The following KITLG variants were observed in gnomAD, a reference collection of about 807,000 sequenced individuals.
The protein encoded by KITLG is KIT ligand, also known as c-Kit ligand.
A neutral mutation model predicts 34.1 loss-of-function variants in KITLG; 13 were observed. The ratio of observed to expected loss-of-function variants is 0.38; its 90% CI spans 0.25 to 0.61. KITLG has a LOEUF of 0.61. Ranked by LOEUF, KITLG falls within the 20% of genes least tolerant of loss-of-function variation. The pLI, the probability that KITLG is intolerant of heterozygous loss-of-function variation, is 0.60. For synonymous variants in KITLG, 110 were observed against 104.0 expected (o/e 1.06, Z -0.35); for missense variants, 292 against 318.9 (o/e 0.92, Z 0.64).
chr12:88,525,529 A>G (rs975816611), intron 3 of KITLG, among the ~76,000 whole-genome samples: 3 of 152,160 alleles, frequency 2.0e-5, no homozygotes, highest in African/African-American at 4.8e-5. Context: ...AAAATATAGT[A>G]AAAAGAGAAC....
At chr12:88,548,969 A>G (rs1280925550) in intron 1 of KITLG, among the ~76,000 whole-genome samples, 1 of 152,182 alleles carries the variant, frequency 6.6e-6, no homozygotes, top group Non-Finnish European at 1.5e-5. Context: ...TTAACAGGGT[A>G]ATATTGATAA....
At chr12:88,549,260 G>A (rs1314499315) in intron 1 of KITLG, among the ~76,000 whole-genome samples, 1 of 152,146 alleles carries the variant, frequency 6.6e-6, no homozygotes, top group Non-Finnish European at 1.5e-5. Flanking sequence ...AGGATTCATT[G>A]CAAGATTTTG....
intron 2 of KITLG, among the ~76,000 whole-genome samples, chr12:88,536,563 T>C (rs1870325500): frequency 6.6e-6 from 1 of 152,116 alleles, no homozygotes; most frequent in Non-Finnish European, 1.5e-5. Context: ...CTATTCACAA[T>C]AGCAAAGACT....
At chr12:88,509,302 G>T (rs532490227) in intron 6 of KITLG, among the ~76,000 whole-genome samples, 16 of 152,196 alleles carry the variant, frequency 1.1e-4, no homozygotes, top group Non-Finnish European at 1.9e-4. Context: ...CCTAAGTCTT[G>T]AAATTCACCA....
intron 6 of KITLG, among the ~76,000 whole-genome samples, chr12:88,508,915 C>T (rs557550752): frequency 3.3e-5 from 5 of 152,222 alleles, no homozygotes; most frequent in South Asian, 4.2e-4. Flanking sequence ...TATAAAAGTG[C>T]TCTCTATATG....
At position 88,516,345 on chromosome 12, in the gene KITLG, C is replaced by T. The variant is rs767653942; in HGVS notation, c.509G>A (p.Ser170Asn). ...CTTACATGTCTTACCTTTCTCAGGA[C>T]TTAATGTTGAAGAAACCACACAATC... ...TSDCVVSSTLSPEKDSRVSVT... is the reference protein window; with the variant it reads ...TSDCVVSSTLNPEKDSRVSVT... Residue 170 changes from serine (S) to asparagine (N), a missense_variant, in exon 5 of 10, where the codon AGT (serine) becomes AAT (asparagine). Physicochemically the swap from Ser to Asn is conservative, Grantham distance 46. Coordinates refer to ENST00000644744, the MANE Select transcript of KITLG (RefSeq NM_000899.5). The T allele has an allele frequency of 2.4e-5, 39 of 1,610,738 alleles. No homozygotes were observed. The Admixed American group carries it at 3.7e-4, about 15-fold the overall frequency.
intron 3 of KITLG, among the ~76,000 whole-genome samples, chr12:88,528,559 A>G (rs1869964421): frequency 6.6e-6 from 1 of 152,226 alleles, no homozygotes; most frequent in Non-Finnish European, 1.5e-5. Flanking sequence ...TTAAAGTACT[A>G]TAATTATTGT....
At chr12:88,541,200 T>C (rs1870506208) in intron 2 of KITLG, among the ~76,000 whole-genome samples, 1 of 152,186 alleles carries the variant, frequency 6.6e-6, no homozygotes, top group Non-Finnish European at 1.5e-5. Flanking sequence ...CCATGAATCA[T>C]GTATAAATAT....
rs889877139 is a variant in KITLG at position 88,565,717 on chromosome 12, C to G, written c.15+14547G>C. On this transcript the variant is annotated intron_variant, in intron 1 of 9. Transcript: ENST00000644744. ...AGCAAGAAATTAGGAACAAACAGAT[C>G]AGGTTTGATGACTGAGAGTTGTAAG... Among the ~76,000 whole-genome samples the G allele has an allele frequency of 4.6e-5, 7 of 152,246 alleles. No homozygotes were observed. The East Asian group carries it at 1.3e-3, about 29-fold the overall frequency.
intron 1 of KITLG, among the ~76,000 whole-genome samples, chr12:88,562,591 T>G (rs1418935080): frequency 2.6e-5 from 4 of 152,212 alleles, no homozygotes; most frequent in Non-Finnish European, 4.4e-5. Flanking sequence ...TATAAACCAT[T>G]GTCATCCTTC....
At chr12:88,518,643 C>A in intron 4 of KITLG, 54 bp downstream of exon 4, 1 of 1,399,186 alleles carries the variant, frequency 7.1e-7, no homozygotes, top group Middle Eastern at 1.8e-4. Context: ...CACCAAGAAG[C>A]ATGGGTTTTT....
chr12:88,527,931 G>A (rs1401453139), intron 3 of KITLG, among the ~76,000 whole-genome samples: 2 of 152,156 alleles, frequency 1.3e-5, no homozygotes, highest in Non-Finnish European at 2.9e-5. Flanking sequence ...GACAAAGAAA[G>A]CCTGAGGAAA....
chr12:88,530,037 A>G (rs1455717053), intron 3 of KITLG, among the ~76,000 whole-genome samples: 1 of 152,166 alleles, frequency 6.6e-6, no homozygotes, highest in Admixed American at 6.6e-5. Flanking sequence ...GAAATCTATG[A>G]TTTAGCATAT....
chr12:88,512,785 A>G (rs898667945), intron 6 of KITLG, among the ~76,000 whole-genome samples: 3 of 151,926 alleles, frequency 2.0e-5, no homozygotes, highest in Admixed American at 6.6e-5. Flanking sequence ...CCAGACTTCA[A>G]TATCTAGTAA....
In KITLG at chr12:88,559,870, T is replaced by G. The variant is rs1246193845; in HGVS notation, c.16-14005A>C. Reference sequence around the variant, plus strand: ...AACTTCAATTGCAGATTCATTGACATGCCTGAGACACATTTCTCTGGTAAC... The same window carrying G: ...AACTTCAATTGCAGATTCATTGACAGGCCTGAGACACATTTCTCTGGTAAC... On this transcript the variant is annotated intron_variant, in intron 1 of 9. Coordinates refer to ENST00000644744, the MANE Select transcript of KITLG (RefSeq NM_000899.5). 2.0e-5 allele frequency among the ~76,000 whole-genome samples: 3 copies of G among 152,222 alleles called. No homozygotes were observed. In the East Asian group the frequency reaches 5.8e-4, roughly 29 times the overall value.
chr12:88,565,235 T>C (rs1186285106), intron 1 of KITLG, among the ~76,000 whole-genome samples: 1 of 152,174 alleles, frequency 6.6e-6, no homozygotes, highest in Non-Finnish European at 1.5e-5. Flanking sequence ...GCACAAATTG[T>C]TAACAGAATT....
Position 88,496,244 on chromosome 12 carries a change from A to C in KITLG, c.*975T>G, listed in dbSNP as rs1347539611. The C allele has an allele frequency of 6.6e-6, 1 of 152,176 alleles. No individual in the cohort carries two copies. Among genetic ancestry groups the C allele is most frequent in the African/African-American group, 2.4e-5 (1 of 41,452 alleles). The allele number at this position is 152,176 out of a possible 1,614,324, so 9.4% of individuals were successfully genotyped here. A position where few individuals can be genotyped will look rare whatever the true frequency, so the allele number is the denominator to read the frequency against. On this transcript the variant is annotated 3_prime_UTR_variant, in exon 10 of 10. Coordinates refer to ENST00000644744, the MANE Select transcript of KITLG (RefSeq NM_000899.5). ...TTTCTAACCTTAGATACTAAATGTC[A>C]TAATTTATTTTTAGGCTCTCCCATG...
At chr12:88,520,186 ATG>A (rs1869606334) in intron 3 of KITLG, among the ~76,000 whole-genome samples, 1 of 152,170 alleles carries the variant, frequency 6.6e-6, no homozygotes, top group Non-Finnish European at 1.5e-5. Context: ...CTCAAAGAAT[ATG>A]TGTTTCCAAA....
At chr12:88,539,445 A>T (rs1870442640) in intron 2 of KITLG, among the ~76,000 whole-genome samples, 1 of 152,132 alleles carries the variant, frequency 6.6e-6, no homozygotes, top group Admixed American at 6.6e-5. Context: ...CAGGTACAGT[A>T]GCTTACTATG....
Sources: allele counts gnomAD v4.1 joint callset (sites outside exome capture counted in the v4.1 genomes callset), GRCh38; gene constraint gnomAD v4.1.1; transcripts MANE v1.5; gene names NCBI Gene and HGNC (gene_info 2026-07-23, HGNC 2026-07-21).